Variants in RIC1 observed in about 807,000 individuals in gnomAD.
RIC1 encodes guanine nucleotide exchange factor subunit RIC1.
Under a neutral mutation model 169.0 loss-of-function variants are expected in RIC1, and 88 were observed. The ratio of observed to expected loss-of-function variants is 0.52; its 90% CI spans 0.44 to 0.62. The LOEUF is 0.62. Among genes scored for constraint, RIC1 ranks in the 20% least tolerant of loss-of-function variants. The pLI is 0.00. For synonymous variants in RIC1, 790 were observed against 601.5 expected, an observed-to-expected ratio of 1.31 and a Z score of -4.59; for missense variants, 1,877 against 1,725.5, an observed-to-expected ratio of 1.09 and a Z score of -1.56.
intron 3 of RIC1, among the ~76,000 whole-genome samples, chr9:5,712,690 A>G (rs1202701301): frequency 6.6e-6 from 1 of 152,236 alleles, no homozygotes; most frequent in Non-Finnish European, 1.5e-5. Context: ...CTTTAAAACC[A>G]GATATATTAA....
chr9:5,657,956 G>C (rs1490207056), intron 2 of RIC1, among the ~76,000 whole-genome samples: 1 of 152,092 alleles, frequency 6.6e-6, no homozygotes, highest in Non-Finnish European at 1.5e-5. Context: ...TGTATTGTCT[G>C]TAACTTCTTT....
chr9:5,664,141 G>T (rs533836729), intron 2 of RIC1, among the ~76,000 whole-genome samples: 9 of 152,052 alleles, frequency 5.9e-5, no homozygotes, highest in Non-Finnish European at 1.0e-4. Context: ...CAGGTGTGGT[G>T]GCTCACACCT....
chr9:5,645,904 A>G (rs1356032310), intron 1 of RIC1, among the ~76,000 whole-genome samples: 4 of 151,298 alleles, frequency 2.6e-5, no homozygotes, highest in Admixed American at 6.6e-5. Flanking sequence ...TCTTTTGGGT[A>G]CATACCCAGA....
intron 2 of RIC1, among the ~76,000 whole-genome samples, chr9:5,662,070 C>A (rs114998295): frequency 2.2e-4 from 34 of 152,306 alleles, no homozygotes; most frequent in African/African-American, 8.2e-4. Flanking sequence ...AAGACCTTTT[C>A]CGCATCTATT....
At chr9:5,649,662 C>G (rs1818698363) in intron 1 of RIC1, among the ~76,000 whole-genome samples, 1 of 150,532 alleles carries the variant, frequency 6.6e-6, no homozygotes, top group Non-Finnish European at 1.5e-5. Flanking sequence ...CTGTTGCTGG[C>G]ATTTCATAAA....
intron 1 of RIC1, among the ~76,000 whole-genome samples, chr9:5,645,332 C>T (rs1400966402): frequency 1.3e-5 from 2 of 152,188 alleles, no homozygotes; most frequent in Non-Finnish European, 2.9e-5. Flanking sequence ...AGCCATGATG[C>T]CCAGACCATT....
At chr9:5,654,441 GT>G (rs1390960672) in intron 1 of RIC1, among the ~76,000 whole-genome samples, 1 of 152,106 alleles carries the variant, frequency 6.6e-6, no homozygotes, top group African/African-American at 2.4e-5. Context: ...TAGAGACGGG[GT>G]TTCACCATGT....
intron 3 of RIC1, among the ~76,000 whole-genome samples, chr9:5,711,064 C>G (rs144208963): frequency 1.3e-5 from 2 of 152,190 alleles, no homozygotes; most frequent in African/African-American, 4.8e-5. Flanking sequence ...AACAGGTCTA[C>G]CAGGTGCTCA....
chr9:5,698,896 G>A (rs1392894858), intron 3 of RIC1, among the ~76,000 whole-genome samples: 1 of 152,162 alleles, frequency 6.6e-6, no homozygotes, highest in Non-Finnish European at 1.5e-5. Context: ...TTCATTAACT[G>A]CGAGGTTTTA....
chr9:5,640,713 C>T (rs982399882), intron 1 of RIC1, among the ~76,000 whole-genome samples: 6 of 152,180 alleles, frequency 3.9e-5, no homozygotes, highest in Non-Finnish European at 1.5e-5. Flanking sequence ...ATGGTTTCTT[C>T]TTGGTCATTA....
intron 1 of RIC1, among the ~76,000 whole-genome samples, chr9:5,639,625 T>C (rs1478579549): frequency 6.6e-6 from 1 of 152,216 alleles, no homozygotes; most frequent in African/African-American, 2.4e-5. Flanking sequence ...GCAGATTAAG[T>C]CCGATGTTTC....
At chr9:5,768,843 T>C (rs758669064) in intron 21 of RIC1, 127 bp from the exon 22 acceptor site, 12 of 1,021,296 alleles carry the variant, frequency 1.2e-5, no homozygotes, top group South Asian at 6.6e-5. Context: ...TTTATCTTCA[T>C]TGTCAATCAG....
intron 2 of RIC1, among the ~76,000 whole-genome samples, chr9:5,672,194 A>G (rs1820148544): frequency 6.6e-6 from 1 of 152,216 alleles, no homozygotes; most frequent in South Asian, 2.1e-4. Context: ...GCATTGCCAG[A>G]TACCCACATC....
chr9:5,749,306 C>G (rs1166270970), intron 12 of RIC1, among the ~76,000 whole-genome samples: 1 of 152,218 alleles, frequency 6.6e-6, no homozygotes, highest in Non-Finnish European at 1.5e-5. Flanking sequence ...CTGTATTTCG[C>G]TGGCACTCCA....
At chr9:5,711,776 C>G (rs973800521) in intron 3 of RIC1, among the ~76,000 whole-genome samples, 1 of 152,096 alleles carries the variant, frequency 6.6e-6, no homozygotes, top group African/African-American at 2.4e-5. Flanking sequence ...TTTCCTGTGT[C>G]CAAGTGTTCT....
chr9:5,710,933 A>C (rs756029690), intron 3 of RIC1, among the ~76,000 whole-genome samples: 72 of 152,186 alleles, frequency 4.7e-4, no homozygotes, highest in South Asian at 2.1e-4. Flanking sequence ...TATGAGGTTT[A>C]ATATCTAACT....
chr9:5,666,415 C>G (rs1430330268), intron 2 of RIC1, among the ~76,000 whole-genome samples: 2 of 152,034 alleles, frequency 1.3e-5, no homozygotes, highest in African/African-American at 4.8e-5. Context: ...GTGGAACTTT[C>G]AATACTATGT....
rs1821459565 is a variant in RIC1, at chr9:5,689,339, C to T, written c.253-620C>T. Among the ~76,000 whole-genome samples the T allele has an allele frequency of 5.3e-5, 8 of 152,238 alleles. 1 individual carries two copies. The South Asian group carries it at 1.7e-3, about 32-fold the overall frequency. On this transcript the variant is annotated intron_variant, in intron 2 of 25. Coordinates refer to ENST00000414202, the MANE Select transcript of RIC1 (RefSeq NM_020829.4). Reference sequence around the variant, plus strand: ...ATACTGGGATTACAGGTGTGAGCCACCGCGCCCGGCCTACAATTTGTTGTT... The same window carrying T: ...ATACTGGGATTACAGGTGTGAGCCATCGCGCCCGGCCTACAATTTGTTGTT...
intron 3 of RIC1, among the ~76,000 whole-genome samples, chr9:5,692,122 A>G (rs1035302334): frequency 2.0e-5 from 3 of 152,068 alleles, no homozygotes; most frequent in African/African-American, 7.2e-5. Context: ...CTATATTGAA[A>G]GTTTTAGGTT....
Sources: gnomAD v4.1 joint callset for allele counts (sites outside exome capture counted in the v4.1 genomes callset) on GRCh38, gnomAD v4.1.1 for gene constraint, MANE v1.5 for transcripts, NCBI Gene and HGNC (gene_info 2026-07-23, HGNC 2026-07-21) for gene names.